Variants in KMT2C observed in about 807,000 individuals in gnomAD.
KMT2C encodes the protein histone-lysine N-methyltransferase 2C.
In KMT2C, 88 loss-of-function variants were observed where a neutral mutation model predicts 507.9. That is an observed-to-expected ratio of 0.17 (90% CI 0.15 to 0.21). The LOEUF (loss-of-function observed/expected upper bound fraction) is 0.21. Among genes scored for constraint, KMT2C ranks in the 10% least tolerant of loss-of-function variants. The pLI is 1.00. For missense variants in KMT2C, 4,954 were observed against 5,957.8 expected (o/e 0.83, Z 5.55); for synonymous variants, 2,049 against 2,080.8 (o/e 0.98, Z 0.42).
rs533231231 is a variant in KMT2C at position 152,288,755 on chromosome 7, CTAA to C, written c.850-14891_850-14889del. On this transcript the variant is annotated intron_variant, in intron 6 of 58. Coordinates refer to ENST00000262189, the MANE Select transcript of KMT2C (RefSeq NM_170606.3). Reference sequence around the variant, plus strand: ...AATATATATCATAAACTTCTGAAAACTAATGACTAAACTAAAAAACCCTGAGAT... The same window carrying C: ...AATATATATCATAAACTTCTGAAAACTGACTAAACTAAAAAACCCTGAGAT... Among the ~76,000 whole-genome samples the C allele has an allele frequency of 1.3e-3, 191 of 152,048 alleles. 1 individual carries two copies. Among genetic ancestry groups the C allele is most frequent in the Middle Eastern group, 0.01 (3 of 294 alleles).
chr7:152,253,904 A>G (rs1369283030), intron 9 of KMT2C, among the ~76,000 whole-genome samples: 1 of 152,178 alleles, frequency 6.6e-6, no homozygotes, highest in East Asian at 1.9e-4. Context: ...AGTCAGCCTT[A>G]AAACCCTGGG....
rs780954040 is a variant in KMT2C, at chr7:152,360,849, C to CAA, written c.162-2176_162-2175dup. 1.6e-3 allele frequency among the ~76,000 whole-genome samples: 196 copies of CAA among 119,238 alleles called. 1 individual carries two copies. Among genetic ancestry groups the CAA allele is most frequent in the Middle Eastern group, 8.5e-3 (2 of 234 alleles). 78.2% of individuals were successfully genotyped at this position (119,238 alleles called of 152,430 possible). A position where few individuals can be genotyped will look rare whatever the true frequency, so the allele number is the denominator to read the frequency against. The stretch of plus-strand genomic sequence containing the variant: ...GGGCAACAAGGGCGAAATTCTATCT[C>CAA]AAAAAGAAAAAAAAATTGAAGTAAT... On this transcript the variant is annotated intron_variant, in intron 1 of 58. Coordinates refer to ENST00000262189, the MANE Select transcript of KMT2C (RefSeq NM_170606.3).
At chr7:152,262,908 T>A (rs2095803886) in intron 9 of KMT2C, 108 bp downstream of exon 9, 14 of 745,924 alleles carry the variant, frequency 1.9e-5, no homozygotes, top group Non-Finnish European at 2.6e-5. Flanking sequence ...AAGCTGTTTT[T>A]AAAAAGCTGA....
chr7:152,152,674 T>G (rs1237510344), intron 49 of KMT2C, 31 bp downstream of exon 49: 1 of 1,609,978 alleles, frequency 6.2e-7, no homozygotes, highest in Non-Finnish European at 8.5e-7. Context: ...CAGGAATGGA[T>G]TTGGGGTTAA....
intron 1 of KMT2C, among the ~76,000 whole-genome samples, chr7:152,364,033 G>C (rs1272026819): frequency 6.6e-6 from 1 of 152,074 alleles, no homozygotes. Flanking sequence ...TTAGGAGCAG[G>C]GCTAAATGAG....
chr7:152,252,649 A>G lies in KMT2C; in HGVS notation c.1366T>C (p.Cys456Arg), dbSNP rs1463520557. 1.2e-6 allele frequency: 2 copies of G among 1,613,584 alleles called. No individual in the cohort carries two copies. Among genetic ancestry groups the G allele is most frequent in the Non-Finnish European group, 1.7e-6 (2 of 1,179,590 alleles). ...TCCTGCTGTTGGTAACAATTGTCAC[A>G]TATCAGGCAATTGTGGTGCCACTGA... ...SSQWHHNCLI[C>R]DNCYQQQDNL... Residue 456 changes from cysteine to arginine, a missense_variant, in exon 10 of 59, where the codon TGT becomes CGT. Coordinates refer to ENST00000262189, the MANE Select transcript of KMT2C (RefSeq NM_170606.3).
rs2095510122 is a variant in KMT2C, at chr7:152,248,344, T to C, written c.2090A>G (p.Glu697Gly). The change falls in exon 14 of 59, where the codon GAA becomes GGA. Residue 697 changes from glutamate (E) to glycine (G), a missense_variant. Physicochemically the swap from Glu to Gly is moderately conservative, Grantham distance 98 (BLOSUM62 -2). Transcript: ENST00000262189. Reference sequence around the variant, plus strand: ...TTCCTCATGTGGGGACACTAAGGTTTCTAGTGGAAGAGTGACAGATTCCAT... The same window carrying C: ...TTCCTCATGTGGGGACACTAAGGTTCCTAGTGGAAGAGTGACAGATTCCAT... ...LVMESVTLPL[E>G]TLVSPHEESI... 1 of 1,613,798 alleles carries C rather than the reference T, an allele frequency of 6.2e-7. No individual in the cohort carries two copies. The highest frequency in any genetic ancestry group is 8.5e-7 in the Non-Finnish European group (1 of 1,179,876).
chr7:152,378,806 A>C (rs2097348524), intron 1 of KMT2C, among the ~76,000 whole-genome samples: 1 of 152,132 alleles, frequency 6.6e-6, no homozygotes, highest in South Asian at 2.1e-4. Context: ...ACTCTGAAGT[A>C]AGTATTTCCA....
At chr7:152,155,687 A>G (rs768811262) in intron 46 of KMT2C, among the ~76,000 whole-genome samples, 1 of 152,166 alleles carries the variant, frequency 6.6e-6, no homozygotes, top group Non-Finnish European at 1.5e-5. Context: ...TGTCTATTAG[A>G]TTATTTAACT....
At chr7:152,311,104 AATATT>A (rs1245582079) in intron 5 of KMT2C, among the ~76,000 whole-genome samples, 2 of 152,144 alleles carry the variant, frequency 1.3e-5, no homozygotes, top group South Asian at 2.1e-4. Flanking sequence ...ATTTTATTTA[AATATT>A]ATATATGTAT....
chr7:152,255,104 C>A (rs2095623035), intron 9 of KMT2C, among the ~76,000 whole-genome samples: 1 of 92,244 alleles, frequency 1.1e-5, no homozygotes, highest in African/African-American at 4.2e-5. Flanking sequence ...TCAATCAACT[C>A]TCACTTATAT....
chr7:152,282,444 C>T (rs79078393), intron 6 of KMT2C, among the ~76,000 whole-genome samples: 7 of 119,320 alleles, frequency 5.9e-5, no homozygotes, highest in Admixed American at 5.0e-4. Flanking sequence ...CCTCAAAATG[C>T]CCAACGGTAA....
intron 46 of KMT2C, among the ~76,000 whole-genome samples, chr7:152,155,633 G>T (rs912807987): frequency 6.6e-6 from 1 of 151,990 alleles, no homozygotes; most frequent in South Asian, 2.1e-4. Flanking sequence ...CTACCTTCAT[G>T]TCTATTAGAT....
intron 6 of KMT2C, among the ~76,000 whole-genome samples, chr7:152,286,780 T>C (rs1251191040): frequency 6.6e-6 from 1 of 152,184 alleles, no homozygotes; most frequent in East Asian, 1.9e-4. Flanking sequence ...TTCCCTAGGT[T>C]TCCTTTCTGA....
intron 6 of KMT2C, among the ~76,000 whole-genome samples, chr7:152,296,793 G>A (rs2096501180): frequency 6.6e-6 from 1 of 151,702 alleles, no homozygotes; most frequent in Admixed American, 6.6e-5. Context: ...GACCAAGATG[G>A]AGTCACAGAG....
intron 25 of KMT2C, among the ~76,000 whole-genome samples, chr7:152,204,648 T>C (rs980837673): frequency 1.4e-5 from 2 of 147,144 alleles, no homozygotes; most frequent in African/African-American, 5.2e-5. Context: ...GACAGACAGA[T>C]ACATAAATAG....
Position 152,187,789 on chromosome 7 carries a change from T to G in KMT2C, c.4719A>C (p.Pro1573=), listed in dbSNP as rs775365768. Residue 1573 remains proline (P), a synonymous_variant, in exon 32 of 59, where the codon CCA becomes CCC. Coordinates refer to ENST00000262189, the MANE Select transcript of KMT2C (RefSeq NM_170606.3). ...NGLIGSSPHL[P]HNSLPPGSGL... The stretch of plus-strand genomic sequence containing the variant: ...CGCTTCCAGGTGGCAAAGAATTATG[T>G]GGGAGATGAGGACTGGATCCAATAA... 6.2e-7 allele frequency: 1 copy of G among 1,614,022 alleles called. No homozygotes were observed. The highest frequency in any genetic ancestry group is 1.1e-5 in the South Asian group (1 of 91,070).
At chr7:152,263,796 C>G (rs183420740) in intron 8 of KMT2C, among the ~76,000 whole-genome samples, 107 of 152,202 alleles carry the variant, frequency 7.0e-4, no homozygotes, top group Middle Eastern at 6.8e-3. Flanking sequence ...ACTCTTCTGC[C>G]CCCAAAGATT....
At chr7:152,154,726 C>T (rs914687800) in intron 46 of KMT2C, among the ~76,000 whole-genome samples, 13 of 152,232 alleles carry the variant, frequency 8.5e-5, no homozygotes, top group African/African-American at 3.1e-4. Context: ...TAGCATGTAA[C>T]ATAGAGAGCA....
Sources: allele counts gnomAD v4.1 joint callset (sites outside exome capture counted in the v4.1 genomes callset), GRCh38; gene constraint gnomAD v4.1.1; transcripts MANE v1.5; gene names NCBI Gene and HGNC (gene_info 2026-07-23, HGNC 2026-07-21).